Variants in LRRC7 observed in about 807,000 individuals in gnomAD.
The protein encoded by LRRC7 is leucine rich repeat containing 7.
Under a neutral mutation model 175.7 loss-of-function variants are expected in LRRC7, and 23 were observed. That is an observed-to-expected ratio of 0.13 (90% CI 0.09 to 0.19). The LOEUF is 0.19. LRRC7 is among the 10% of genes least tolerant of loss of function. LRRC7 has a pLI of 1.00. For synonymous variants in LRRC7, 685 were observed against 680.9 expected, an observed-to-expected ratio of 1.01 and a Z score of -0.09; for missense variants, 1,354 against 1,904.7, an observed-to-expected ratio of 0.71 and a Z score of 5.38.
rs1465349044 is a variant in LRRC7, at chr1:70,137,245, G to A, written c.*15358G>A. On this transcript the variant is annotated 3_prime_UTR_variant, in exon 27 of 27. Coordinates refer to ENST00000651989, the MANE Select transcript of LRRC7 (RefSeq NM_001370785.2). ...ACTTTTCTTGACTCTGTCTTTCCAAGGAGTAACCCTTTTGGGTCAAAGTCA... is the reference window on the plus strand; with the variant it reads ...ACTTTTCTTGACTCTGTCTTTCCAAAGAGTAACCCTTTTGGGTCAAAGTCA... 6.6e-6 allele frequency among the ~76,000 whole-genome samples: 1 copy of A among 152,114 alleles called. No homozygotes were observed. Among genetic ancestry groups the A allele is most frequent in the African/African-American group, 2.4e-5 (1 of 41,406 alleles).
intron 7 of LRRC7, among the ~76,000 whole-genome samples, chr1:69,892,399 C>A (rs2101646806): frequency 6.6e-6 from 1 of 152,224 alleles, no homozygotes; most frequent in Middle Eastern, 3.4e-3. Flanking sequence ...GTACTCAAGG[C>A]ATGAGTTAAA....
chr1:69,712,298 A>C (rs938590938), intron 2 of LRRC7, among the ~76,000 whole-genome samples: 6 of 152,182 alleles, frequency 3.9e-5, no homozygotes, highest in Admixed American at 2.6e-4. Flanking sequence ...TTAATTTTCT[A>C]AAGTATTTTA....
intron 1 of LRRC7, among the ~76,000 whole-genome samples, chr1:69,612,676 G>T (rs1422534542): frequency 1.3e-5 from 2 of 151,912 alleles, no homozygotes; most frequent in Non-Finnish European, 2.9e-5. Flanking sequence ...GAATTAATTT[G>T]TGTATTTTAT....
intron 2 of LRRC7, among the ~76,000 whole-genome samples, chr1:69,728,004 C>T (rs972980312): frequency 3.9e-5 from 6 of 152,138 alleles, no homozygotes; most frequent in Admixed American, 3.9e-4. Flanking sequence ...TCTTTCCATT[C>T]CCTGCAGGTG....
chr1:69,793,694 G>A (rs12087688), intron 4 of LRRC7, among the ~76,000 whole-genome samples: 5,433 of 151,390 alleles, frequency 0.036, 346 homozygotes, highest in African/African-American at 0.13. Context: ...TCTATTGTCT[G>A]GAATCTCCTT....
chr1:69,807,871 G>T (rs189814263), intron 4 of LRRC7, among the ~76,000 whole-genome samples: 2 of 151,946 alleles, frequency 1.3e-5, no homozygotes, highest in Admixed American at 1.3e-4. Context: ...AAGTTCTCCC[G>T]GATAATATCC....
intron 9 of LRRC7, among the ~76,000 whole-genome samples, chr1:69,985,513 AC>A (rs1312393012): frequency 1.3e-5 from 2 of 152,210 alleles, no homozygotes; most frequent in Non-Finnish European, 2.9e-5. Context: ...TAATTCACAT[AC>A]CATATACAGT....
chr1:69,914,134 G>A (rs1646617375), intron 7 of LRRC7, among the ~76,000 whole-genome samples: 2 of 152,288 alleles, frequency 1.3e-5, no homozygotes, highest in East Asian at 1.9e-4. Context: ...ATTGGAAAGA[G>A]TGAGCACATT....
intron 2 of LRRC7, among the ~76,000 whole-genome samples, chr1:69,703,132 C>A (rs1175395779): frequency 6.6e-6 from 1 of 151,836 alleles, no homozygotes; most frequent in African/African-American, 2.4e-5. Context: ...TGAATTTTAC[C>A]TCAAAATACA....
chr1:70,118,993 GT>G (rs2102239546), intron 26 of LRRC7, among the ~76,000 whole-genome samples: 1 of 151,478 alleles, frequency 6.6e-6, no homozygotes, highest in South Asian at 2.1e-4. Context: ...TATTTTTATG[GT>G]TGCTTCCCAT....
At chr1:69,599,391 G>C (rs1038311649) in intron 1 of LRRC7, among the ~76,000 whole-genome samples, 1 of 152,118 alleles carries the variant, frequency 6.6e-6, no homozygotes, top group African/African-American at 2.4e-5. Flanking sequence ...CTATTCTCAT[G>C]AGATAATTTA....
At chr1:69,779,220 AC>A (rs1172823635) in intron 3 of LRRC7, among the ~76,000 whole-genome samples, 1 of 151,874 alleles carries the variant, frequency 6.6e-6, no homozygotes, top group Non-Finnish European at 1.5e-5. Context: ...AACAAAAGGA[AC>A]CCCCTTCAAA....
intron 3 of LRRC7, among the ~76,000 whole-genome samples, chr1:69,786,567 T>C (rs1220921598): frequency 6.6e-6 from 1 of 152,144 alleles, no homozygotes; most frequent in Non-Finnish European, 1.5e-5. Flanking sequence ...TTGTTGGACT[T>C]ATGGTTCTAC....
At chr1:70,088,318 A>G (rs1363972475) in intron 24 of LRRC7, among the ~76,000 whole-genome samples, 1 of 152,152 alleles carries the variant, frequency 6.6e-6, no homozygotes, top group East Asian at 1.9e-4. Flanking sequence ...GTGCTTTGGG[A>G]GGCCAAGGTG....
chr1:70,045,877 A>G (rs1469733836), intron 22 of LRRC7, among the ~76,000 whole-genome samples: 1 of 152,154 alleles, frequency 6.6e-6, no homozygotes, highest in African/African-American at 2.4e-5. Context: ...AGACTTATTC[A>G]TTACCATGAG....
intron 1 of LRRC7, among the ~76,000 whole-genome samples, chr1:69,577,535 C>G (rs1646004386): frequency 6.6e-6 from 1 of 152,122 alleles, no homozygotes; most frequent in Non-Finnish European, 1.5e-5. Context: ...AGTCTTTAAT[C>G]CATCTGGAAT....
chr1:69,789,517 TTTTAA>T (rs1299242492), intron 3 of LRRC7, among the ~76,000 whole-genome samples: 10 of 152,098 alleles, frequency 6.6e-5, no homozygotes, highest in African/African-American at 2.4e-4. Context: ...TAAAATGCCT[TTTTAA>T]TTTCTTTGCC....
At chr1:69,595,276 C>T (rs147076982) in intron 1 of LRRC7, among the ~76,000 whole-genome samples, 1,602 of 152,002 alleles carry the variant, frequency 0.011, 28 homozygotes, top group African/African-American at 0.035. Flanking sequence ...AAAAATTAGC[C>T]GGGCGTGGTG....
intron 1 of LRRC7, among the ~76,000 whole-genome samples, chr1:69,589,478 T>C (rs1646545195): frequency 6.6e-6 from 1 of 152,144 alleles, no homozygotes; most frequent in Non-Finnish European, 1.5e-5. Flanking sequence ...GAGTGAGTCC[T>C]CTGGCCCATG....
Sources: gnomAD v4.1 joint callset for allele counts (sites outside exome capture counted in the v4.1 genomes callset) on GRCh38, gnomAD v4.1.1 for gene constraint, MANE v1.5 for transcripts, NCBI Gene and HGNC (gene_info 2026-07-23, HGNC 2026-07-21) for gene names.